The following CKAP2L variants were observed in gnomAD, a reference collection of about 807,000 sequenced individuals.
CKAP2L encodes the protein cytoskeleton-associated protein 2-like.
In CKAP2L, 42 loss-of-function variants were observed where a neutral mutation model predicts 65.7. The ratio of observed to expected loss-of-function variants is 0.64; its 90% CI spans 0.50 to 0.83. The LOEUF (loss-of-function observed/expected upper bound fraction) is 0.83. Ranked by LOEUF, CKAP2L falls within the 40% of genes least tolerant of loss-of-function variation. CKAP2L has a pLI of 0.00. For missense variants in CKAP2L, 908 were observed against 871.0 expected, an observed-to-expected ratio of 1.04 and a Z score of -0.53; for synonymous variants, 325 against 313.5, an observed-to-expected ratio of 1.04 and a Z score of -0.39.
chr2:112,751,438 G>A (rs1176367437), intron 5 of CKAP2L, among the ~76,000 whole-genome samples: 1 of 152,190 alleles, frequency 6.6e-6, no homozygotes, highest in Non-Finnish European at 1.5e-5. Flanking sequence ...AAGTATGTAT[G>A]TTTGTAGAGG....
At position 112,738,607 on chromosome 2, in the gene CKAP2L, A is replaced by T. The variant is rs1010694503; in HGVS notation, c.*216T>A. ...ATATTCAAAAGTTTGAAATTTATGT[A>T]TACTGTAAAACTGGCAAACTGGTCT... is the stretch of plus-strand genomic sequence containing the variant. On this transcript the variant is annotated 3_prime_UTR_variant, in exon 9 of 9. Transcript: ENST00000302450. The T allele has an allele frequency of 7.1e-6, 4 of 560,536 alleles. No homozygotes were observed. The highest frequency in any genetic ancestry group is 5.6e-5 in the African/African-American group (3 of 53,258). 34.7% of individuals were successfully genotyped at this position (560,536 alleles called of 1,614,324 possible). A position where few individuals can be genotyped will look rare whatever the true frequency, so the allele number is the denominator to read the frequency against.
rs917184671 is a variant in CKAP2L at position 112,742,419 on chromosome 2, C to A, written c.1822+287G>T. The A allele has an allele frequency of 1.7e-5, 12 of 717,572 alleles. 1 individual carries two copies. The highest frequency in any genetic ancestry group is 1.4e-4 in the African/African-American group (8 of 57,378). The allele number at this position is 717,572 out of a possible 1,614,324, so 44.5% of individuals were successfully genotyped here. A position where few individuals can be genotyped will look rare whatever the true frequency, so the allele number is the denominator to read the frequency against. On this transcript the variant is annotated intron_variant, in intron 7 of 8. Transcript: ENST00000302450. ...TTCTCCTTTCTGCCTCAGTCTCTTCCAGCAAAGAGCTGTTTGTCTTCTGCC... is the reference window on the plus strand; with the variant it reads ...TTCTCCTTTCTGCCTCAGTCTCTTCAAGCAAAGAGCTGTTTGTCTTCTGCC...
intron 4 of CKAP2L, 50 bp from the exon 5 acceptor site, chr2:112,752,524 C>G (rs772150150): frequency 1.2e-5 from 14 of 1,149,532 alleles, no homozygotes; most frequent in South Asian, 2.7e-5. Context: ...TAAACATAGT[C>G]AAGCTGCTAA....
chr2:112,739,135 CA>C, intron 8 of CKAP2L, 87 bp from the exon 9 acceptor site: 1 of 1,014,678 alleles, frequency 9.9e-7, no homozygotes, highest in South Asian at 1.5e-5. Context: ...AATAATAAAA[CA>C]GGGAAGACAT....
At chr2:112,748,676 C>T (rs949466867) in intron 5 of CKAP2L, among the ~76,000 whole-genome samples, 1 of 152,034 alleles carries the variant, frequency 6.6e-6, no homozygotes, top group African/African-American at 2.4e-5. Flanking sequence ...GCCTGGGCAA[C>T]ACAGTGAGAC....
In CKAP2L at chr2:112,756,473, T is replaced by C. The variant is rs765436681; in HGVS notation, c.898A>G (p.Ile300Val). ...QSSKKPVVKN[I>V]KDIKVNRSQY... The stretch of plus-strand genomic sequence containing the variant: ...CTCCTATTAACCTTTATATCTTTGA[T>C]GTTCTTGACTACTGGTTTCTTTGAT... The change falls in exon 4 of 9, where the codon ATC becomes GTC. Residue 300 changes from isoleucine to valine, a missense_variant. Ile to Val is a conservative substitution (Grantham distance 29, BLOSUM62 3). Transcript: ENST00000302450. 3 of 1,610,386 alleles carry C rather than the reference T, an allele frequency of 1.9e-6. No homozygotes were observed. In the South Asian group the frequency reaches 3.3e-5, roughly 18 times the overall value.
chr2:112,746,857 G>A (rs1022223771), intron 5 of CKAP2L, among the ~76,000 whole-genome samples: 2 of 150,354 alleles, frequency 1.3e-5, no homozygotes, highest in Middle Eastern at 3.5e-3. Flanking sequence ...GCGCGATCTC[G>A]GTTCACTGCA....
At chr2:112,742,423 A>G (rs1405413194) in intron 7 of CKAP2L, 2 of 717,636 alleles carry the variant, frequency 2.8e-6, no homozygotes, top group East Asian at 5.4e-5. Flanking sequence ...CTCTTCCAGC[A>G]AAGAGCTGTT....
chr2:112,762,633 T>C, intron 1 of CKAP2L, 64 bp from the exon 2 acceptor site: 1 of 1,326,450 alleles, frequency 7.5e-7, no homozygotes. Flanking sequence ...AGTTCATTAA[T>C]ATTCTAAAAG....
At chr2:112,762,373 T>C in intron 2 of CKAP2L, 130 bp downstream of exon 2, 2 of 695,996 alleles carry the variant, frequency 2.9e-6, no homozygotes, top group Non-Finnish European at 5.1e-6. Context: ...AATGCTCTTT[T>C]TGCGTTATCA....
At chr2:112,747,860 A>G (rs1219633409) in intron 5 of CKAP2L, among the ~76,000 whole-genome samples, 1 of 152,258 alleles carries the variant, frequency 6.6e-6, no homozygotes, top group Non-Finnish European at 1.5e-5. Context: ...CAATATCTTC[A>G]GAGTGATAAG....
chr2:112,757,332 G>GAAAGTTGA lies in CKAP2L; in HGVS notation c.157-126_157-119dup, dbSNP rs1357525781. On this transcript the variant is annotated intron_variant, in intron 3 of 8. Coordinates refer to ENST00000302450, the MANE Select transcript of CKAP2L (RefSeq NM_152515.5). The stretch of plus-strand genomic sequence containing the variant: ...TAATCATTTTTAGAATTTCATCTAA[G>GAAAGTTGA]AAAGTTGAATCCTCAGAAAGTAAAG... 1.1e-5 allele frequency: 7 copies of GAAAGTTGA among 628,678 alleles called. No individual in the cohort carries two copies. In the Admixed American group the frequency reaches 1.5e-4, roughly 13 times the overall value. 38.9% of individuals were successfully genotyped at this position (628,678 alleles called of 1,614,324 possible). A position where few individuals can be genotyped will look rare whatever the true frequency, so the allele number is the denominator to read the frequency against.
intron 4 of CKAP2L, among the ~76,000 whole-genome samples, chr2:112,754,337 A>G (rs1294331283): frequency 6.6e-6 from 1 of 152,144 alleles, no homozygotes. Context: ...CATCCATGCA[A>G]TATTTATTAT....
intron 1 of CKAP2L, chr2:112,763,741 G>C (rs1202315284): frequency 6.6e-6 from 1 of 152,210 alleles, no homozygotes; most frequent in Non-Finnish European, 1.5e-5. Context: ...TTTGCTCTCT[G>C]ATGCTCATGT....
chr2:112,750,519 G>A (rs777444029), intron 5 of CKAP2L, among the ~76,000 whole-genome samples: 3 of 152,184 alleles, frequency 2.0e-5, no homozygotes, highest in Non-Finnish European at 2.9e-5. Flanking sequence ...CAGAGTCACC[G>A]TCCATGGATT....
intron 5 of CKAP2L, among the ~76,000 whole-genome samples, chr2:112,751,627 T>TA (rs1417700600): frequency 3.9e-5 from 6 of 152,212 alleles, no homozygotes; most frequent in Admixed American, 3.3e-4. Context: ...GGAGTAGACT[T>TA]AAACTGAACT....
At chr2:112,752,539 TATG>T in intron 4 of CKAP2L, 65 bp from the exon 5 acceptor site, 1 of 920,282 alleles carries the variant, frequency 1.1e-6, no homozygotes. Context: ...TGCTAAAGTA[TATG>T]ATATGTATAG....
At position 112,738,770 on chromosome 2, in the gene CKAP2L, T is replaced by G; in HGVS notation, c.*53A>C. The G allele has an allele frequency of 8.1e-7, 1 of 1,230,872 alleles. No individual in the cohort carries two copies. Among genetic ancestry groups the G allele is most frequent in the Non-Finnish European group, 1.2e-6 (1 of 838,988 alleles). The allele number at this position is 1,230,872 out of a possible 1,614,324, so 76.2% of individuals were successfully genotyped here. A position where few individuals can be genotyped will look rare whatever the true frequency, so the allele number is the denominator to read the frequency against. Reference sequence around the variant, plus strand: ...TTCCAGGTCACTTGGACAAGAATATTTCTTGTCTTATGTTGGTTCTGAAAC... The same window carrying G: ...TTCCAGGTCACTTGGACAAGAATATGTCTTGTCTTATGTTGGTTCTGAAAC... On this transcript the variant is annotated 3_prime_UTR_variant, in exon 9 of 9. Transcript: ENST00000302450.
chr2:112,762,670 C>T (rs574438956), intron 1 of CKAP2L, 101 bp from the exon 2 acceptor site: 69 of 939,750 alleles, frequency 7.3e-5, no homozygotes, highest in Middle Eastern at 4.2e-4. Flanking sequence ...GTGATTTTGC[C>T]TTTGCAACAT....
Sources: gnomAD v4.1 joint callset for allele counts (sites outside exome capture counted in the v4.1 genomes callset) on GRCh38, gnomAD v4.1.1 for gene constraint, MANE v1.5 for transcripts, NCBI Gene and HGNC (gene_info 2026-07-23, HGNC 2026-07-21) for gene names.